ANKRD31: variants seen among roughly 807,000 people sequenced by gnomAD.
ANKRD31 encodes the protein ankyrin repeat domain 31, also known as ankyrin repeat domain-containing protein 31.
ANKRD31 carries 147 observed loss-of-function variants against 186.0 expected under a neutral mutation model. That is an observed-to-expected ratio of 0.79 (90% CI 0.69 to 0.91). The LOEUF (loss-of-function observed/expected upper bound fraction) is 0.91. ANKRD31 is among the 40% of genes least tolerant of loss of function. The pLI, the probability that ANKRD31 is intolerant of heterozygous loss-of-function variation, is 0.00. For synonymous variants in ANKRD31, 673 were observed against 736.4 expected (o/e 0.91, Z 1.39); for missense variants, 1,986 against 2,148.8 (o/e 0.92, Z 1.50).
intron 22 of ANKRD31, among the ~76,000 whole-genome samples, chr5:75,102,542 G>A (rs1211663608): frequency 6.6e-6 from 1 of 152,252 alleles, no homozygotes; most frequent in East Asian, 1.9e-4. Context: ...GGAGTCTACA[G>A]AGGCATGAAG....
At chr5:75,078,712 T>G (rs1297835609) in intron 25 of ANKRD31, among the ~76,000 whole-genome samples, 1 of 152,194 alleles carries the variant, frequency 6.6e-6, no homozygotes, top group Non-Finnish European at 1.5e-5. Flanking sequence ...AGAAATAACT[T>G]TGTGAAAAAT....
At chr5:75,214,649 G>A (rs1756858167) in intron 3 of ANKRD31, among the ~76,000 whole-genome samples, 1 of 152,052 alleles carries the variant, frequency 6.6e-6, no homozygotes, top group African/African-American at 2.4e-5. Context: ...CCCCTTCAAG[G>A]TTCTCTTTAA....
rs752448925 is a variant in ANKRD31, at chr5:75,193,395, A to C, written c.1214T>G (p.Met405Arg). The C allele has an allele frequency of 1.3e-6, 2 of 1,537,096 alleles. No individual in the cohort carries two copies. Residue 405 changes from methionine (M) to arginine (R), a missense_variant, in exon 8 of 26, where the codon ATG (methionine) becomes AGG (arginine). Coordinates refer to ENST00000506364, the MANE Select transcript of ANKRD31 (RefSeq NM_001372053.1). The part of the protein sequence containing the change: ...VSRDAKYSDH[M>R]YKMPEKILPK... ...TAAAATCTTTTCTGGCATCTTATACATGTGATCTGAGTACTTTGCATCTCT... is the reference window on the plus strand; with the variant it reads ...TAAAATCTTTTCTGGCATCTTATACCTGTGATCTGAGTACTTTGCATCTCT...
Position 75,147,525 on chromosome 5 carries a change from A to G in ANKRD31, c.1906-20T>C. 1 of 1,379,394 alleles carries G rather than the reference A, an allele frequency of 7.2e-7. No individual in the cohort carries two copies. Among genetic ancestry groups the G allele is most frequent in the Non-Finnish European group, 9.5e-7 (1 of 1,054,146 alleles). The allele number at this position is 1,379,394 out of a possible 1,614,324, so 85.4% of individuals were successfully genotyped here. On this transcript the variant is annotated intron_variant, in intron 13 of 25. Coordinates refer to ENST00000506364, the MANE Select transcript of ANKRD31 (RefSeq NM_001372053.1). ...TGGTTTCTATAGAAAAAAAATACAT[A>G]GTTAGCTTTAATTTTCAGCGGTAGT... is the stretch of plus-strand genomic sequence containing the variant.
intron 1 of ANKRD31, among the ~76,000 whole-genome samples, chr5:75,231,987 T>A (rs1485040147): frequency 6.6e-6 from 1 of 150,920 alleles, no homozygotes; most frequent in Non-Finnish European, 1.5e-5. Flanking sequence ...AAGTTGGCAA[T>A]GAAAAGGACT....
At chr5:75,175,654 C>CACAT (rs1050636421) in intron 10 of ANKRD31, among the ~76,000 whole-genome samples, 2 of 149,374 alleles carry the variant, frequency 1.3e-5, no homozygotes, top group African/African-American at 2.5e-5. Flanking sequence ...AAAACACACA[C>CACAT]ACACACACAC....
At chr5:75,089,058 G>T (rs1384300966) in intron 23 of ANKRD31, among the ~76,000 whole-genome samples, 1 of 152,146 alleles carries the variant, frequency 6.6e-6, no homozygotes, top group African/African-American at 2.4e-5. Flanking sequence ...GAAGTTATGG[G>T]CTTGGAGTCT....
intron 11 of ANKRD31, among the ~76,000 whole-genome samples, chr5:75,165,579 G>T (rs1345018429): frequency 6.6e-6 from 1 of 151,994 alleles, no homozygotes; most frequent in African/African-American, 2.4e-5. Flanking sequence ...CACTGAAAAC[G>T]CCTAAAAGCA....
intron 17 of ANKRD31, among the ~76,000 whole-genome samples, chr5:75,133,933 T>C (rs12108872): frequency 1.3e-5 from 2 of 151,804 alleles, no homozygotes; most frequent in Middle Eastern, 3.4e-3. Context: ...CATAACGAAA[T>C]GAAGGCAGAA....
intron 22 of ANKRD31, among the ~76,000 whole-genome samples, chr5:75,100,021 T>C (rs1746699519): frequency 6.6e-6 from 1 of 152,198 alleles, no homozygotes; most frequent in African/African-American, 2.4e-5. Context: ...TGTTAGGGTG[T>C]CAATTTTAGG....
chr5:75,094,082 G>C (rs910762947), intron 22 of ANKRD31, among the ~76,000 whole-genome samples: 2 of 152,168 alleles, frequency 1.3e-5, no homozygotes, highest in African/African-American at 4.8e-5. Flanking sequence ...ACAGAAGTTA[G>C]TGCTGGGCCT....
chr5:75,068,551 A>C lies in ANKRD31; in HGVS notation c.5761T>G (p.Phe1921Val). The C allele has an allele frequency of 6.6e-7, 1 of 1,519,460 alleles. No homozygotes were observed. The highest frequency in any genetic ancestry group is 8.8e-7 in the Non-Finnish European group (1 of 1,139,702). The allele number at this position is 1,519,460 out of a possible 1,614,324, so 94.1% of individuals were successfully genotyped here. A position where few individuals can be genotyped will look rare whatever the true frequency, so the allele number is the denominator to read the frequency against. ...PCHIMDQHWK[F>V]CVECEELTP ...GTTAGTTCCTCACATTCCACACAAA[A>C]CTTCCAATGCTGATCCATTATGTGG... The change falls in exon 26 of 26, where the codon TTT becomes GTT. Residue 1921 changes from phenylalanine (F) to valine (V), a missense_variant. Phe to Val is a conservative substitution (Grantham distance 50). Coordinates refer to ENST00000506364, the MANE Select transcript of ANKRD31 (RefSeq NM_001372053.1).
At chr5:75,187,053 G>GTGTGTT (rs1754771720) in intron 10 of ANKRD31, among the ~76,000 whole-genome samples, 2 of 142,024 alleles carry the variant, frequency 1.4e-5, no homozygotes, top group African/African-American at 5.7e-5. Flanking sequence ...GTGTGTGTGT[G>GTGTGTT]TTTTGGGAGG....
intron 10 of ANKRD31, among the ~76,000 whole-genome samples, chr5:75,184,458 A>T (rs543551771): frequency 6.6e-6 from 1 of 152,304 alleles, no homozygotes; most frequent in South Asian, 2.1e-4. Flanking sequence ...TCAAGAGACA[A>T]CTTATAGAAT....
chr5:75,115,912 T>C (rs891044320), intron 19 of ANKRD31, among the ~76,000 whole-genome samples: 3 of 152,142 alleles, frequency 2.0e-5, no homozygotes, highest in Non-Finnish European at 4.4e-5. Flanking sequence ...TTACTGGGTA[T>C]ATACCCAAAG....
intron 10 of ANKRD31, among the ~76,000 whole-genome samples, chr5:75,186,936 G>C (rs1398163831): frequency 1.3e-5 from 2 of 152,016 alleles, no homozygotes; most frequent in African/African-American, 4.8e-5. Context: ...TACATAGAAG[G>C]CATACTGTAA....
intron 17 of ANKRD31, among the ~76,000 whole-genome samples, chr5:75,126,252 G>A (rs1320600518): frequency 6.6e-6 from 1 of 152,132 alleles, no homozygotes; most frequent in Non-Finnish European, 1.5e-5. Flanking sequence ...GACCAGCCTG[G>A]CCAACATGCT....
intron 10 of ANKRD31, among the ~76,000 whole-genome samples, chr5:75,182,747 T>C (rs891396214): frequency 6.6e-6 from 1 of 150,988 alleles, no homozygotes; most frequent in Non-Finnish European, 1.5e-5. Flanking sequence ...CTAAAATGTC[T>C]ACTATAGAAA....
chr5:75,146,104 G>C lies in ANKRD31; in HGVS notation c.3307C>G (p.Leu1103Val). 6.5e-7 allele frequency: 1 copy of C among 1,535,776 alleles called. No individual in the cohort carries two copies. The highest frequency in any genetic ancestry group is 8.7e-7 in the Non-Finnish European group (1 of 1,146,022). Residue 1103 changes from leucine to valine, a missense_variant, in exon 14 of 26, where the codon CTA becomes GTA. Transcript: ENST00000506364. ...ATATTGTGTATAGTCTCACTTTCTA[G>C]ATGGTTTTGTCTCCTTTTTTCAACT... is the stretch of plus-strand genomic sequence containing the variant. ...TKVEKRRQNHLESETIHNIDS... is the reference protein window; with the variant it reads ...TKVEKRRQNHVESETIHNIDS...
Sources: gnomAD v4.1 joint callset for allele counts (sites outside exome capture counted in the v4.1 genomes callset) on GRCh38, gnomAD v4.1.1 for gene constraint, MANE v1.5 for transcripts, NCBI Gene and HGNC (gene_info 2026-07-23, HGNC 2026-07-21) for gene names.